The following TSPAN18 variants were observed in gnomAD, a reference collection of about 807,000 sequenced individuals.
TSPAN18 encodes tetraspanin 18, also known as tetraspanin-18.
A neutral mutation model predicts 27.3 loss-of-function variants in TSPAN18; 14 were observed. The observed-to-expected ratio is 0.51, with a 90% CI of 0.34 to 0.80. The LOEUF (loss-of-function observed/expected upper bound fraction) is 0.80, where lower values mean the gene tolerates loss of function less well. Ranked by LOEUF, TSPAN18 falls within the 30% of genes least tolerant of loss-of-function variation. TSPAN18 has a pLI of 0.01. For synonymous variants in TSPAN18, 143 were observed against 136.5 expected, an observed-to-expected ratio of 1.05 and a Z score of -0.33; for missense variants, 268 against 323.9, an observed-to-expected ratio of 0.83 and a Z score of 1.32.
chr11:44,857,871 A>C (rs1262923673), intron 2 of TSPAN18, among the ~76,000 whole-genome samples: 1 of 150,764 alleles, frequency 6.6e-6, no homozygotes, highest in Admixed American at 6.6e-5. Context: ...ATGCATGCCC[A>C]CCCCCACATG....
At chr11:44,734,653 A>C (rs1363271206) in intron 1 of TSPAN18, among the ~76,000 whole-genome samples, 3 of 152,324 alleles carry the variant, frequency 2.0e-5, no homozygotes, top group African/African-American at 4.8e-5. Context: ...TCTTGTGTTG[A>C]ACTAATATGG....
In TSPAN18 at chr11:44,882,724, G is replaced by A. The variant is rs962856079; in HGVS notation, c.-11+22255G>A. Among the ~76,000 whole-genome samples the A allele has an allele frequency of 2.0e-5, 3 of 152,008 alleles. No homozygotes were observed. The South Asian group carries it at 6.2e-4, about 32-fold the overall frequency. On this transcript the variant is annotated intron_variant, in intron 3 of 9. Coordinates refer to ENST00000520358, the MANE Select transcript of TSPAN18 (RefSeq NM_130783.5). ...GACTCTGAGATGGAGAGAGACGGAGGGACAGCCTGGCACATGGGACTCAAG... is the reference window on the plus strand; with the variant it reads ...GACTCTGAGATGGAGAGAGACGGAGAGACAGCCTGGCACATGGGACTCAAG...
chr11:44,908,829 A>AAGAAAGAAAG (rs765443858), intron 4 of TSPAN18, among the ~76,000 whole-genome samples: 19 of 103,302 alleles, frequency 1.8e-4, no homozygotes, highest in East Asian at 4.4e-4. Flanking sequence ...GAAAGAAAGA[A>AAGAAAGAAAG]AAAGAAAAAT....
chr11:44,741,096 G>A (rs1253417637), intron 1 of TSPAN18, among the ~76,000 whole-genome samples: 5 of 152,138 alleles, frequency 3.3e-5, no homozygotes, highest in South Asian at 4.1e-4. Flanking sequence ...ACATGACCTC[G>A]GAGCCTTGTG....
At chr11:44,884,310 CAA>C in intron 3 of TSPAN18, among the ~76,000 whole-genome samples, 1 of 152,328 alleles carries the variant, frequency 6.6e-6, no homozygotes, top group Non-Finnish European at 1.5e-5. Context: ...CGAAGCTGCC[CAA>C]ACAGATCTCA....
At chr11:44,890,486 G>A (rs576286304) in intron 3 of TSPAN18, among the ~76,000 whole-genome samples, 1 of 152,312 alleles carries the variant, frequency 6.6e-6, no homozygotes, top group South Asian at 2.1e-4. Context: ...CACTTTGGTA[G>A]GCCAAGGCAG....
rs745362975 is a variant in TSPAN18, at chr11:44,906,395, T to A, written c.-10-12T>A. Reference sequence around the variant, plus strand: ...CCCCATCGGGAAGACTGAGGTGGCCTTGTATTTCTAGGTGGAGCACCATGG... The same window carrying A: ...CCCCATCGGGAAGACTGAGGTGGCCATGTATTTCTAGGTGGAGCACCATGG... On this transcript the variant is annotated splice_polypyrimidine_tract_variant and intron_variant, in intron 3 of 9. Coordinates refer to ENST00000520358, the MANE Select transcript of TSPAN18 (RefSeq NM_130783.5). 3.1e-6 allele frequency: 5 copies of A among 1,613,792 alleles called. No individual in the cohort carries two copies. In the African/African-American group the frequency reaches 6.7e-5, roughly 22 times the overall value.
chr11:44,911,506 G>A (rs1300462082), intron 5 of TSPAN18, among the ~76,000 whole-genome samples: 1 of 152,128 alleles, frequency 6.6e-6, no homozygotes, highest in African/African-American at 2.4e-5. Flanking sequence ...AACTTTGAGC[G>A]CCCCCTGGTG....
chr11:44,826,462 C>T (rs1015073227), intron 2 of TSPAN18, among the ~76,000 whole-genome samples: 1 of 152,192 alleles, frequency 6.6e-6, no homozygotes, highest in African/African-American at 2.4e-5. Context: ...TTTGCCTGTA[C>T]ATGAAGGGTG....
At chr11:44,796,370 C>G (rs1038097247) in intron 2 of TSPAN18, among the ~76,000 whole-genome samples, 1 of 152,184 alleles carries the variant, frequency 6.6e-6, no homozygotes, top group Non-Finnish European at 1.5e-5. Context: ...GCAGGGTCCT[C>G]TGCCCCAGCC....
chr11:44,824,135 T>G (rs1174251076), intron 2 of TSPAN18, among the ~76,000 whole-genome samples: 1 of 152,224 alleles, frequency 6.6e-6, no homozygotes, highest in East Asian at 1.9e-4. Flanking sequence ...TTCAGGCCTT[T>G]GAGGGATCAT....
chr11:44,840,824 G>A (rs375666280), intron 2 of TSPAN18, among the ~76,000 whole-genome samples: 17 of 152,278 alleles, frequency 1.1e-4, no homozygotes, highest in South Asian at 6.2e-4. Context: ...CAGGTGGCAC[G>A]GGGCCATCAT....
chr11:44,768,862 G>C (rs1222936624), intron 2 of TSPAN18, among the ~76,000 whole-genome samples: 2 of 148,578 alleles, frequency 1.3e-5, no homozygotes, highest in Non-Finnish European at 3.0e-5. Context: ...TTCTTCATTA[G>C]ATTGTTGATA....
chr11:44,811,102 C>T (rs1856703300), intron 2 of TSPAN18, among the ~76,000 whole-genome samples: 1 of 150,250 alleles, frequency 6.7e-6, no homozygotes, highest in African/African-American at 2.5e-5. Context: ...TCTTTTATAT[C>T]CCTAGTCAAT....
chr11:44,876,973 C>T (rs1195508545), intron 3 of TSPAN18, among the ~76,000 whole-genome samples: 6 of 152,194 alleles, frequency 3.9e-5, no homozygotes, highest in Non-Finnish European at 8.8e-5. Flanking sequence ...GCATTGGTGC[C>T]TCCTCCCCCA....
At position 44,914,798 on chromosome 11, in the gene TSPAN18, T is replaced by C. The variant is rs11038209; in HGVS notation, c.259-3174T>C. Among the ~76,000 whole-genome samples the C allele has an allele frequency of 8.1e-3, 1,238 of 152,270 alleles. 12 individuals are homozygous for C. Among genetic ancestry groups the C allele is most frequent in the African/African-American group, 0.028 (1,152 of 41,536 alleles). On this transcript the variant is annotated intron_variant, in intron 5 of 9. Transcript: ENST00000520358. ...TGAGAGGGCTTGATGAGATGATCCA[T>C]GTAAGATCCGCAGTGTCTGGGTAGC...
At chr11:44,918,389 G>A (rs1461569990) in intron 6 of TSPAN18, among the ~76,000 whole-genome samples, 1 of 152,158 alleles carries the variant, frequency 6.6e-6, no homozygotes, top group Non-Finnish European at 1.5e-5. Flanking sequence ...GGAGCACAGG[G>A]CAGACTGCTC....
At chr11:44,907,737 C>T (rs1859504889) in intron 4 of TSPAN18, among the ~76,000 whole-genome samples, 1 of 152,090 alleles carries the variant, frequency 6.6e-6, no homozygotes, top group Admixed American at 6.5e-5. Flanking sequence ...ACAGATTTTC[C>T]TGGAGGTTGT....
chr11:44,914,018 C>T (rs1050652075), intron 5 of TSPAN18, among the ~76,000 whole-genome samples: 1 of 152,250 alleles, frequency 6.6e-6, no homozygotes, highest in Non-Finnish European at 1.5e-5. Context: ...CTTTGGTTCA[C>T]AGGATTCACA....
Sources: allele counts gnomAD v4.1 joint callset (sites outside exome capture counted in the v4.1 genomes callset), GRCh38; gene constraint gnomAD v4.1.1; transcripts MANE v1.5; gene names NCBI Gene and HGNC (gene_info 2026-07-23, HGNC 2026-07-21).